CADPS2: variants seen among roughly 807,000 people sequenced by gnomAD.
CADPS2 encodes calcium dependent secretion activator 2.
A neutral mutation model predicts 172.5 loss-of-function variants in CADPS2; 93 were observed. The observed-to-expected ratio is 0.54, with a 90% confidence interval of 0.46 to 0.64. CADPS2 has a LOEUF of 0.64. CADPS2 is among the 30% of genes least tolerant of loss of function. CADPS2 has a pLI of 0.00. For synonymous variants in CADPS2, 546 were observed against 555.2 expected (o/e 0.98, Z 0.23); for missense variants, 1,420 against 1,565.9 (o/e 0.91, Z 1.57).
At chr7:122,581,360 A>G in intron 6 of CADPS2, 70 bp from the exon 7 acceptor site, 2 of 1,171,294 alleles carry the variant, frequency 1.7e-6, no homozygotes, top group South Asian at 1.3e-5. Flanking sequence ...ATGTGTCTCC[A>G]TAGAAGGCAA....
At chr7:122,494,137 A>T (rs1211868611) in intron 9 of CADPS2, among the ~76,000 whole-genome samples, 1 of 152,148 alleles carries the variant, frequency 6.6e-6, no homozygotes, top group African/African-American at 2.4e-5. Flanking sequence ...AAGAGCAAAA[A>T]CTAAGGTTTT....
intron 2 of CADPS2, among the ~76,000 whole-genome samples, chr7:122,712,835 G>C (rs1376359670): frequency 6.6e-6 from 1 of 152,068 alleles, no homozygotes; most frequent in African/African-American, 2.4e-5. Flanking sequence ...TGTGGAAAGA[G>C]TAAGGGGGTC....
At position 122,391,018 on chromosome 7, in the gene CADPS2, G is replaced by A. The variant is rs79149968; in HGVS notation, c.3008+2178C>T. 5.0e-3 allele frequency among the ~76,000 whole-genome samples: 763 copies of A among 152,124 alleles called. 3 individuals carry two copies. The highest frequency in any genetic ancestry group is 0.027 in the Middle Eastern group (8 of 292). On this transcript the variant is annotated intron_variant, in intron 22 of 29. Coordinates refer to ENST00000449022, the MANE Select transcript of CADPS2 (RefSeq NM_017954.11). ...GATTTATGCATTGGTAGGCAGGGAT[G>A]TATCTTCAAAACCATGGTTGCTTTT... is the stretch of plus-strand genomic sequence containing the variant.
intron 2 of CADPS2, among the ~76,000 whole-genome samples, chr7:122,691,535 G>A (rs2084364389): frequency 6.6e-6 from 1 of 152,198 alleles, no homozygotes; most frequent in Non-Finnish European, 1.5e-5. Context: ...GCAACCCCAG[G>A]CAAGGTGGGC....
chr7:122,324,403 G>A (rs2033370715), intron 29 of CADPS2, among the ~76,000 whole-genome samples: 1 of 152,150 alleles, frequency 6.6e-6, no homozygotes, highest in Non-Finnish European at 1.5e-5. Context: ...ATGTAACACA[G>A]TGGGTCTTTG....
intron 2 of CADPS2, among the ~76,000 whole-genome samples, chr7:122,717,836 G>T (rs562496145): frequency 1.3e-5 from 2 of 152,144 alleles, no homozygotes; most frequent in East Asian, 3.9e-4. Context: ...TGAAGACAAG[G>T]TCTTGCTCTG....
At chr7:122,671,721 C>T (rs551857518) in intron 2 of CADPS2, among the ~76,000 whole-genome samples, 5 of 151,972 alleles carry the variant, frequency 3.3e-5, no homozygotes, top group South Asian at 4.2e-4. Context: ...AGGATAGGTA[C>T]GGAGATGTAA....
intron 8 of CADPS2, among the ~76,000 whole-genome samples, chr7:122,541,759 ATATT>A (rs2063030543): frequency 6.9e-6 from 1 of 145,218 alleles, no homozygotes; most frequent in Non-Finnish European, 1.5e-5. Context: ...ATATATTCAT[ATATT>A]TATATATTCA....
intron 2 of CADPS2, among the ~76,000 whole-genome samples, chr7:122,722,564 C>G (rs950037701): frequency 6.6e-6 from 1 of 150,652 alleles, no homozygotes; most frequent in African/African-American, 2.5e-5. Flanking sequence ...AATGGAAGAA[C>G]ATTCCATGCT....
intron 2 of CADPS2, among the ~76,000 whole-genome samples, chr7:122,668,174 A>C (rs372665120): frequency 9.2e-5 from 14 of 152,306 alleles, no homozygotes; most frequent in African/African-American, 3.4e-4. Flanking sequence ...AGGATTTGGG[A>C]AATAGAATGA....
At chr7:122,688,095 CAGAA>C (rs1478131394) in intron 2 of CADPS2, among the ~76,000 whole-genome samples, 1 of 152,212 alleles carries the variant, frequency 6.6e-6, no homozygotes, top group African/African-American at 2.4e-5. Context: ...CGGCCCAAGC[CAGAA>C]AGCAGGGAGT....
At chr7:122,643,588 A>G (rs1409443746) in intron 3 of CADPS2, among the ~76,000 whole-genome samples, 2 of 152,160 alleles carry the variant, frequency 1.3e-5, no homozygotes, top group African/African-American at 4.8e-5. Flanking sequence ...CTAAAACTGA[A>G]CTGATTTTAT....
At chr7:122,778,545 T>C (rs2093953437) in intron 1 of CADPS2, among the ~76,000 whole-genome samples, 1 of 152,092 alleles carries the variant, frequency 6.6e-6, no homozygotes. Flanking sequence ...CCCAGAGGCC[T>C]GGAAGGAAAA....
chr7:122,839,224 T>A (rs75195780), intron 1 of CADPS2, among the ~76,000 whole-genome samples: 32,641 of 151,786 alleles, frequency 0.22, 3,746 homozygotes, highest in Middle Eastern at 0.3. Flanking sequence ...CTGGCTAGCC[T>A]TATGTAGACA....
chr7:122,592,342 G>A (rs893121638), intron 6 of CADPS2, among the ~76,000 whole-genome samples: 1 of 152,092 alleles, frequency 6.6e-6, no homozygotes, highest in Non-Finnish European at 1.5e-5. Flanking sequence ...GAAACAACAG[G>A]TGCTGGAGAG....
chr7:122,480,786 C>A, intron 12 of CADPS2, 66 bp downstream of exon 12: 1 of 1,090,716 alleles, frequency 9.2e-7, no homozygotes, highest in Non-Finnish European at 1.3e-6. Context: ...TCATGATATT[C>A]CTCAAACATA....
intron 3 of CADPS2, among the ~76,000 whole-genome samples, chr7:122,649,898 A>AT (rs71531909): frequency 0.022 from 1,153 of 51,888 alleles, 240 homozygotes; most frequent in African/African-American, 0.051. Flanking sequence ...GTATTCAATG[A>AT]TTTTTTTTTT....
intron 20 of CADPS2, among the ~76,000 whole-genome samples, chr7:122,394,628 G>A (rs529071587): frequency 2.6e-5 from 4 of 151,982 alleles, no homozygotes; most frequent in African/African-American, 9.7e-5. Flanking sequence ...TAGCAAACAA[G>A]TTTTGGGAAG....
chr7:122,677,912 G>C (rs144897395), intron 2 of CADPS2, among the ~76,000 whole-genome samples: 203 of 152,330 alleles, frequency 1.3e-3, no homozygotes, highest in African/African-American at 4.6e-3. Flanking sequence ...TCCGCAGCTT[G>C]ATGGTATTTC....
Sources: gnomAD v4.1 joint callset for allele counts (sites outside exome capture counted in the v4.1 genomes callset) on GRCh38, gnomAD v4.1.1 for gene constraint, MANE v1.5 for transcripts, NCBI Gene and HGNC (gene_info 2026-07-23, HGNC 2026-07-21) for gene names.